The following PCDHGB2 variants were observed in gnomAD, a reference collection of about 807,000 sequenced individuals.
PCDHGB2 encodes the protein protocadherin gamma-B2.
In PCDHGB2, 55 loss-of-function variants were observed where a neutral mutation model predicts 59.3. The observed-to-expected ratio is 0.93, with a 90% CI of 0.75 to 1.16. The LOEUF is 1.16. Ranked by LOEUF, PCDHGB2 falls within the 50% of genes most tolerant of loss-of-function variation. The pLI is 0.00. For missense variants in PCDHGB2, 1,228 were observed against 1,198.5 expected, an observed-to-expected ratio of 1.02 and a Z score of -0.36; for synonymous variants, 516 against 512.0, an observed-to-expected ratio of 1.01 and a Z score of -0.11.
chr5:141,412,459 A>C (rs1267719740), intron 1 of PCDHGB2: 1 of 152,232 alleles, frequency 6.6e-6, no homozygotes, highest in Non-Finnish European at 1.5e-5. Flanking sequence ...AAACTATTCT[A>C]GAAGAGTACT....
intron 1 of PCDHGB2, among the ~76,000 whole-genome samples, chr5:141,407,316 GTATTTATAAA>G (rs2094915018): frequency 6.6e-6 from 1 of 152,094 alleles, no homozygotes; most frequent in Non-Finnish European, 1.5e-5. Flanking sequence ...TTCATACTTA[GTATTTATAAA>G]TATTGAAATG....
At chr5:141,375,993 C>G in intron 1 of PCDHGB2, 1 of 1,613,468 alleles carries the variant, frequency 6.2e-7, no homozygotes, top group Non-Finnish European at 8.5e-7. Flanking sequence ...GACAGAGACG[C>G]GCTCAAGCAG....
chr5:141,385,225 G>C, intron 1 of PCDHGB2: 1 of 1,614,232 alleles, frequency 6.2e-7, no homozygotes, highest in Non-Finnish European at 8.5e-7. Context: ...GCCCAACTAT[G>C]TAGACATGCT....
chr5:141,401,458 A>T (rs1470076616), intron 1 of PCDHGB2, among the ~76,000 whole-genome samples: 1 of 152,186 alleles, frequency 6.6e-6, no homozygotes, highest in Non-Finnish European at 1.5e-5. Context: ...CATCCAAATA[A>T]TTTTCTAAGT....
At chr5:141,506,829 T>C (rs1449718553) in intron 3 of PCDHGB2, among the ~76,000 whole-genome samples, 1 of 152,182 alleles carries the variant, frequency 6.6e-6, no homozygotes, top group African/African-American at 2.4e-5. Context: ...CATGAACTGA[T>C]AGCCCTGCCC....
At chr5:141,422,592 C>T (rs2096658264) in intron 1 of PCDHGB2, 1 of 1,614,090 alleles carries the variant, frequency 6.2e-7, no homozygotes. Flanking sequence ...TTTTTCCTCA[C>T]TCCTCTTACT....
intron 1 of PCDHGB2, chr5:141,388,753 T>C: frequency 6.2e-7 from 1 of 1,613,986 alleles, no homozygotes; most frequent in Non-Finnish European, 8.5e-7. Flanking sequence ...ATCACCCAAT[T>C]TGACCTGAAC....
Position 141,431,473 on chromosome 5 carries a change from C to G in PCDHGB2, c.2422-63334C>G, listed in dbSNP as rs750300971. ...TGATGGTTCTGGATGCGAACGACAA[C>G]GCACCAGCGTTTGCTCAGCCCGAGT... On this transcript the variant is annotated intron_variant, in intron 1 of 3. Coordinates refer to ENST00000522605, the MANE Select transcript of PCDHGB2 (RefSeq NM_018923.3). This position sits in a 1 kb window ranked among gnomAD's most constrained non-coding sequence, Gnocchi z 4.8. 5.0e-6 allele frequency: 8 copies of G among 1,613,832 alleles called. No homozygotes were observed. The highest frequency in any genetic ancestry group is 1.7e-5 in the Admixed American group (1 of 60,026).
At chr5:141,371,238 A>G in intron 1 of PCDHGB2, 1 of 1,614,058 alleles carries the variant, frequency 6.2e-7, no homozygotes, top group Non-Finnish European at 8.5e-7. Flanking sequence ...CTATGCCTTC[A>G]TCAATATTGG....
intron 1 of PCDHGB2, chr5:141,398,277 C>T: frequency 1.4e-6 from 2 of 1,407,866 alleles, no homozygotes; most frequent in Non-Finnish European, 1.9e-6. Flanking sequence ...TGGGGAACCT[C>T]GCCACGGACC....
intron 1 of PCDHGB2, chr5:141,422,645 T>C: frequency 6.2e-7 from 1 of 1,612,232 alleles, no homozygotes; most frequent in Non-Finnish European, 8.5e-7. Flanking sequence ...GCCTCCATCT[T>C]CTCAGTGACC....
At chr5:141,467,628 C>G (rs181245841) in intron 1 of PCDHGB2, among the ~76,000 whole-genome samples, 49 of 152,224 alleles carry the variant, frequency 3.2e-4, no homozygotes, top group African/African-American at 1.1e-3. Context: ...TTTGAGATAG[C>G]ATCTTTATCA....
At chr5:141,389,813 C>T (rs575968401) in intron 1 of PCDHGB2, 18 of 1,613,844 alleles carry the variant, frequency 1.1e-5, no homozygotes, top group South Asian at 2.2e-5. Flanking sequence ...TTCTGGTCGC[C>T]GTGCGTGACG....
At chr5:141,415,574 A>G (rs1168111069) in intron 1 of PCDHGB2, 3 of 1,614,066 alleles carry the variant, frequency 1.9e-6, no homozygotes, top group Non-Finnish European at 8.5e-7. Flanking sequence ...TTGTTAGATG[A>G]TTCGAAGTTT....
At position 141,477,965 on chromosome 5, in the gene PCDHGB2, A is replaced by G. The variant is rs1415974296; in HGVS notation, c.2422-16842A>G. On this transcript the variant is annotated intron_variant, in intron 1 of 3. Coordinates refer to ENST00000522605, the MANE Select transcript of PCDHGB2 (RefSeq NM_018923.3). This position sits in a 1 kb window ranked among gnomAD's most constrained non-coding sequence, Gnocchi z 4.9. ...CAGTCTCTTGGGATCCCCTAACCAGAGCCTTTTTGCCATAGGGCTGCACAC... is the reference window on the plus strand; with the variant it reads ...CAGTCTCTTGGGATCCCCTAACCAGGGCCTTTTTGCCATAGGGCTGCACAC... 4 of 1,614,030 alleles carry G rather than the reference A, an allele frequency of 2.5e-6. No individual in the cohort carries two copies. In the Middle Eastern group the frequency reaches 4.9e-4, roughly 200 times the overall value.
chr5:141,489,428 G>C lies in PCDHGB2; in HGVS notation c.2422-5379G>C, dbSNP rs561792279. The C allele has an allele frequency of 1.2e-6, 2 of 1,613,994 alleles. No individual in the cohort carries two copies. Among genetic ancestry groups the C allele is most frequent in the Non-Finnish European group, 1.7e-6 (2 of 1,180,038 alleles). On this transcript the variant is annotated intron_variant, in intron 1 of 3. Coordinates refer to ENST00000522605, the MANE Select transcript of PCDHGB2 (RefSeq NM_018923.3). This position sits in a 1 kb window ranked among gnomAD's most constrained non-coding sequence, Gnocchi z 4.5. The stretch of plus-strand genomic sequence containing the variant: ...AAGATGACAGATCTGTTGAGCCGGC[G>C]GCTGCAATTGGGCTCTGAGGAGAAT...
At chr5:141,474,241 G>A (rs1367530484) in intron 1 of PCDHGB2, among the ~76,000 whole-genome samples, 8 of 151,928 alleles carry the variant, frequency 5.3e-5, no homozygotes, top group East Asian at 1.9e-4. Context: ...TGCTGAATAG[G>A]GGAAAAAAAG....
At chr5:141,443,475 G>T (rs994058112) in intron 1 of PCDHGB2, among the ~76,000 whole-genome samples, 1 of 152,148 alleles carries the variant, frequency 6.6e-6, no homozygotes, top group African/African-American at 2.4e-5. Flanking sequence ...GACAGAATTA[G>T]ACCCTGTCCC....
At position 141,421,474 on chromosome 5, in the gene PCDHGB2, G is replaced by C. The variant is rs1320526226; in HGVS notation, c.2421+58918G>C. 4 of 1,614,132 alleles carry C rather than the reference G, an allele frequency of 2.5e-6. No homozygotes were observed. The African/African-American group carries it at 5.3e-5, about 21-fold the overall frequency. On this transcript the variant is annotated intron_variant, in intron 1 of 3. Coordinates refer to ENST00000522605, the MANE Select transcript of PCDHGB2 (RefSeq NM_018923.3). ...GCTTTTCGCTGTGAATCCGCGAAGCGGCAGCTTGATCACGGCAGGCAGGAT... is the reference window on the plus strand; with the variant it reads ...GCTTTTCGCTGTGAATCCGCGAAGCCGCAGCTTGATCACGGCAGGCAGGAT...
Sources: gnomAD v4.1 joint callset for allele counts (sites outside exome capture counted in the v4.1 genomes callset) on GRCh38, gnomAD v4.1.1 for gene constraint, Gnocchi (gnomAD v3.1) non-coding constraint, MANE v1.5 for transcripts, NCBI Gene and HGNC (gene_info 2026-07-23, HGNC 2026-07-21) for gene names.